The following CAMTA1 variants were observed in gnomAD, a reference collection of about 807,000 sequenced individuals.
The protein encoded by CAMTA1 is calmodulin-binding transcription activator 1.
CAMTA1 carries 27 observed loss-of-function variants against 170.9 expected under a neutral mutation model. That is an observed-to-expected ratio of 0.16 (90% CI 0.12 to 0.22). The LOEUF (loss-of-function observed/expected upper bound fraction) is 0.22. CAMTA1 is among the 10% of genes least tolerant of loss of function. The pLI is 1.00. For missense variants in CAMTA1, 1,619 were observed against 2,217.2 expected, an observed-to-expected ratio of 0.73 and a Z score of 5.42; for synonymous variants, 833 against 891.5, an observed-to-expected ratio of 0.93 and a Z score of 1.17.
intron 5 of CAMTA1, among the ~76,000 whole-genome samples, chr1:7,271,306 A>G (rs1669764412): frequency 2.0e-5 from 3 of 152,188 alleles, no homozygotes; most frequent in Admixed American, 6.5e-5. Flanking sequence ...CTCTCATCAG[A>G]AACAAATTTG....
In CAMTA1 at chr1:7,738,515, G is replaced by T; in HGVS notation, c.4182+33G>T. On this transcript the variant is annotated intron_variant, in intron 16 of 22. Transcript: ENST00000303635. The surrounding 1 kb of genome is among the most constrained non-coding windows in gnomAD (Gnocchi z 4.9). ...GCAGGGACAGGGTAAGCCCGCAGAG[G>T]CTGGTGCGTTCCAGTTGCTGTGATC... The T allele has an allele frequency of 6.3e-7, 1 of 1,593,414 alleles. No homozygotes were observed. The highest frequency in any genetic ancestry group is 8.6e-7 in the Non-Finnish European group (1 of 1,167,760).
chr1:6,871,255 C>CATTAATAGACACA (rs1668329495), intron 3 of CAMTA1, among the ~76,000 whole-genome samples: 1 of 152,170 alleles, frequency 6.6e-6, no homozygotes, highest in Admixed American at 6.5e-5. Context: ...GAGACCACAT[C>CATTAATAGACACA]TTAATAGATA....
chr1:6,819,626 T>C (rs1318951819), intron 1 of CAMTA1, among the ~76,000 whole-genome samples: 1 of 152,266 alleles, frequency 6.6e-6, no homozygotes. Flanking sequence ...AAGTTATGCA[T>C]GTTCATCAGC....
intron 14 of CAMTA1, 28 bp downstream of exon 14, chr1:7,737,037 C>G (rs746207249): frequency 3.2e-6 from 5 of 1,543,734 alleles, no homozygotes; most frequent in Non-Finnish European, 4.5e-6. Flanking sequence ...GTAGCCCCCC[C>G]TTGCTGTTCT....
At chr1:6,844,510 A>C (rs1207326301) in intron 3 of CAMTA1, among the ~76,000 whole-genome samples, 11 of 676 alleles carry the variant, frequency 0.016, no homozygotes, top group African/African-American at 0.051. Context: ...TTGCATTACA[A>C]AAAAAAAAAA....
At chr1:7,505,045 G>A (rs889564418) in intron 6 of CAMTA1, among the ~76,000 whole-genome samples, 11 of 150,094 alleles carry the variant, frequency 7.3e-5, no homozygotes, top group African/African-American at 2.5e-4. Flanking sequence ...GATGCCTCAT[G>A]GGCACAGCTG....
intron 9 of CAMTA1, among the ~76,000 whole-genome samples, chr1:7,667,253 C>T (rs1438438126): frequency 6.6e-6 from 1 of 152,106 alleles, no homozygotes; most frequent in Non-Finnish European, 1.5e-5. Flanking sequence ...CACCACACCC[C>T]CCACCCCACC....
intron 4 of CAMTA1, among the ~76,000 whole-genome samples, chr1:7,102,334 C>G (rs1182138358): frequency 6.6e-6 from 1 of 152,144 alleles, no homozygotes; most frequent in East Asian, 1.9e-4. Context: ...GAGGGTCCTG[C>G]TCTGCTGAGG....
intron 6 of CAMTA1, among the ~76,000 whole-genome samples, chr1:7,620,458 A>G (rs1226729457): frequency 6.6e-6 from 1 of 152,172 alleles, no homozygotes; most frequent in Non-Finnish European, 1.5e-5. Context: ...ATGAGATGTG[A>G]CTGGAAGCTG....
intron 3 of CAMTA1, among the ~76,000 whole-genome samples, chr1:7,051,738 G>A (rs1259088623): frequency 1.6e-5 from 2 of 122,832 alleles, no homozygotes; most frequent in South Asian, 3.0e-4. Flanking sequence ...GGACCAGCCT[G>A]TGACAGAGGC....
At chr1:7,190,673 AAAAC>A (rs1336348741) in intron 4 of CAMTA1, among the ~76,000 whole-genome samples, 1 of 152,220 alleles carries the variant, frequency 6.6e-6, no homozygotes, top group African/African-American at 2.4e-5. Context: ...AAAATAGAAA[AAAAC>A]AAATATAGTA....
intron 11 of CAMTA1, among the ~76,000 whole-genome samples, chr1:7,697,115 G>A (rs976828912): frequency 6.6e-6 from 1 of 152,170 alleles, no homozygotes; most frequent in African/African-American, 2.4e-5. Context: ...TGCTGTGCAG[G>A]CAGGAAAGGC....
At chr1:7,157,439 A>G (rs983935649) in intron 4 of CAMTA1, among the ~76,000 whole-genome samples, 8 of 152,064 alleles carry the variant, frequency 5.3e-5, no homozygotes, top group Non-Finnish European at 4.4e-5. Flanking sequence ...TTAATCTGAT[A>G]AAAGGTAGCT....
intron 3 of CAMTA1, among the ~76,000 whole-genome samples, chr1:6,929,265 C>T (rs1026821283): frequency 3.9e-5 from 6 of 152,300 alleles, no homozygotes; most frequent in African/African-American, 9.6e-5. Flanking sequence ...CTGCAACCTC[C>T]GCCTCCTGGG....
intron 5 of CAMTA1, among the ~76,000 whole-genome samples, chr1:7,303,003 G>C (rs1675016689): frequency 6.6e-6 from 1 of 152,156 alleles, no homozygotes; most frequent in African/African-American, 2.4e-5. Flanking sequence ...AACAAATTCT[G>C]TAATCTCTCT....
chr1:7,467,214 C>G (rs2093231925), intron 5 of CAMTA1, among the ~76,000 whole-genome samples: 1 of 152,164 alleles, frequency 6.6e-6, no homozygotes, highest in South Asian at 2.1e-4. Flanking sequence ...AAAACCAAAT[C>G]CATCTGCAAA....
At chr1:7,520,241 C>CT (rs2094346186) in intron 6 of CAMTA1, among the ~76,000 whole-genome samples, 3 of 15,046 alleles carry the variant, frequency 2.0e-4, no homozygotes, top group Non-Finnish European at 4.1e-4. Flanking sequence ...TCCTCCTCTC[C>CT]CCTCCTCTTC....
At chr1:7,297,032 T>TGGA (rs981399128) in intron 5 of CAMTA1, among the ~76,000 whole-genome samples, 4 of 152,176 alleles carry the variant, frequency 2.6e-5, no homozygotes, top group Non-Finnish European at 5.9e-5. Context: ...TGAGAGGGGA[T>TGGA]GGAGGACCAA....
chr1:7,264,499 A>G (rs1260728215), intron 5 of CAMTA1, among the ~76,000 whole-genome samples: 1 of 152,198 alleles, frequency 6.6e-6, no homozygotes, highest in African/African-American at 2.4e-5. Context: ...GTGCAAAAGG[A>G]AAGCCACGTG....
Sources: gnomAD v4.1 joint callset for allele counts (sites outside exome capture counted in the v4.1 genomes callset) on GRCh38, gnomAD v4.1.1 for gene constraint, Gnocchi (gnomAD v3.1) non-coding constraint, MANE v1.5 for transcripts, NCBI Gene and HGNC (gene_info 2026-07-23, HGNC 2026-07-21) for gene names.